Variants in FBXW8 observed in about 807,000 individuals in gnomAD.
FBXW8 encodes F-box and WD repeat domain containing 8.
FBXW8 carries 57 observed loss-of-function variants against 65.3 expected under a neutral mutation model. The observed-to-expected ratio is 0.87, with a 90% CI of 0.71 to 1.09. The LOEUF (loss-of-function observed/expected upper bound fraction) is 1.09, where lower values mean the gene tolerates loss of function less well. Ranked by LOEUF, FBXW8 falls within the 50% of genes least tolerant of loss-of-function variation. FBXW8 has a pLI of 0.00. For missense variants in FBXW8, 777 were observed against 814.8 expected (o/e 0.95, Z 0.57); for synonymous variants, 308 against 330.2 (o/e 0.93, Z 0.73).
intron 5 of FBXW8, among the ~76,000 whole-genome samples, chr12:116,971,463 A>G (rs1247705382): frequency 2.6e-5 from 4 of 152,022 alleles, no homozygotes; most frequent in Non-Finnish European, 5.9e-5. Context: ...CATATCTAGG[A>G]TGTTAGAGAT....
intron 9 of FBXW8, 79 bp downstream of exon 9, chr12:117,024,399 G>A (rs540418572): frequency 8.2e-5 from 126 of 1,527,874 alleles, no homozygotes; most frequent in African/African-American, 9.5e-5. Flanking sequence ...CACCAGGCAC[G>A]GTGCTAAATG....
At chr12:116,924,261 G>T (rs1410189413) in intron 1 of FBXW8, among the ~76,000 whole-genome samples, 2 of 151,942 alleles carry the variant, frequency 1.3e-5, no homozygotes, top group Non-Finnish European at 2.9e-5. Context: ...CTTCGCAGTA[G>T]TCTAGGTGGA....
At position 116,961,288 on chromosome 12, in the gene FBXW8, C is replaced by CG. The variant is rs1490186367; in HGVS notation, c.678-3408dup. On this transcript the variant is annotated intron_variant, in intron 4 of 10. Transcript: ENST00000652555. The surrounding 1 kb of genome is among the most constrained non-coding windows in gnomAD (Gnocchi z 4.4). Reference sequence around the variant, plus strand: ...TGCTGGGATTACAGGCATGAGCCACCGTGCCCGGCCTGTATCTGCACTTTT... The same window carrying CG: ...TGCTGGGATTACAGGCATGAGCCACCGGTGCCCGGCCTGTATCTGCACTTTT... Among the ~76,000 whole-genome samples the CG allele has an allele frequency of 6.6e-6, 1 of 152,164 alleles. No homozygotes were observed. The highest frequency in any genetic ancestry group is 1.5e-5 in the Non-Finnish European group (1 of 68,034).
chr12:116,925,366 C>T (rs1009011966), intron 1 of FBXW8, among the ~76,000 whole-genome samples: 9 of 152,146 alleles, frequency 5.9e-5, no homozygotes, highest in African/African-American at 1.7e-4. Context: ...GGACCGGAAG[C>T]GGGATCTGAG....
intron 6 of FBXW8, chr12:116,986,154 G>A (rs971415345): frequency 6.6e-6 from 1 of 152,084 alleles, no homozygotes; most frequent in African/African-American, 2.4e-5. Context: ...ATGAATTGAG[G>A]GCCTGACCTG....
intron 8 of FBXW8, among the ~76,000 whole-genome samples, chr12:117,021,501 AGTTTAT>A (rs1317475729): frequency 3.9e-5 from 6 of 152,120 alleles, no homozygotes; most frequent in East Asian, 1.9e-4. Context: ...TATGTTTTAT[AGTTTAT>A]GTTTAACTCT....
In FBXW8 at chr12:117,028,257, G is replaced by A; in HGVS notation, c.*85G>A. The A allele has an allele frequency of 6.5e-7, 1 of 1,529,416 alleles. No homozygotes were observed. Among genetic ancestry groups the A allele is most frequent in the Non-Finnish European group, 8.9e-7 (1 of 1,127,870 alleles). 94.7% of individuals were successfully genotyped at this position (1,529,416 alleles called of 1,614,324 possible). A position where few individuals can be genotyped will look rare whatever the true frequency, so the allele number is the denominator to read the frequency against. On this transcript the variant is annotated 3_prime_UTR_variant, in exon 11 of 11. Transcript: ENST00000652555. This position sits in a 1 kb window ranked among gnomAD's most constrained non-coding sequence, Gnocchi z 4.1. ...AAACGCCAGGCACCTCTTCACAGGT[G>A]GTAAACATTTAGGGGAAGAAAGCAG...
intron 4 of FBXW8, among the ~76,000 whole-genome samples, chr12:116,959,962 T>C (rs574876270): frequency 1.1e-4 from 17 of 152,338 alleles, no homozygotes; most frequent in African/African-American, 4.1e-4. Flanking sequence ...AGTATATTAG[T>C]TGCAGTTGTA....
intron 1 of FBXW8, among the ~76,000 whole-genome samples, chr12:116,921,822 CTTTTT>C (rs11449832): frequency 2.0e-5 from 2 of 99,346 alleles, no homozygotes; most frequent in Non-Finnish European, 4.0e-5. Context: ...GTATTTCTGA[CTTTTT>C]TTTTTTTTTT....
intron 5 of FBXW8, among the ~76,000 whole-genome samples, chr12:116,971,617 A>G (rs1476554158): frequency 2.0e-5 from 3 of 152,202 alleles, no homozygotes; most frequent in Admixed American, 1.3e-4. Flanking sequence ...TTATATCTGA[A>G]TAATGGGGCA....
At chr12:117,001,785 G>T (rs1278863170) in intron 7 of FBXW8, among the ~76,000 whole-genome samples, 3 of 152,074 alleles carry the variant, frequency 2.0e-5, no homozygotes, top group Non-Finnish European at 4.4e-5. Flanking sequence ...TCATCTCTTC[G>T]CTGGACTCAC....
intron 4 of FBXW8, among the ~76,000 whole-genome samples, chr12:116,959,746 C>T (rs1384552597): frequency 2.0e-5 from 3 of 152,132 alleles, no homozygotes; most frequent in African/African-American, 4.8e-5. Context: ...ATCCCTCTGT[C>T]GTGCAGAGCT....
chr12:117,027,579 GAC>G (rs1288087350), intron 10 of FBXW8, 75 bp downstream of exon 10: 18 of 1,154,278 alleles, frequency 1.6e-5, no homozygotes, highest in Non-Finnish European at 2.2e-5. Flanking sequence ...CCCCCGCCGT[GAC>G]ACATTGCACC....
chr12:116,916,165 A>G (rs1255274163), intron 1 of FBXW8, among the ~76,000 whole-genome samples: 1 of 152,156 alleles, frequency 6.6e-6, no homozygotes, highest in Non-Finnish European at 1.5e-5. Flanking sequence ...TAGTGCCACC[A>G]TAAATGTTTT....
At chr12:116,945,646 A>T (rs1175643429) in intron 3 of FBXW8, 118 bp downstream of exon 3, 1 of 909,724 alleles carries the variant, frequency 1.1e-6, no homozygotes, top group Admixed American at 2.8e-5. Flanking sequence ...GGGTACACTG[A>T]GCCTCCCCTT....
chr12:116,984,918 A>G (rs1885559740), intron 5 of FBXW8, among the ~76,000 whole-genome samples: 2 of 152,214 alleles, frequency 1.3e-5, no homozygotes. Context: ...TAGGCCCATC[A>G]GTTCAAAAAT....
chr12:116,957,960 T>C (rs967851840), intron 4 of FBXW8, among the ~76,000 whole-genome samples: 1 of 152,242 alleles, frequency 6.6e-6, no homozygotes, highest in African/African-American at 2.4e-5. Flanking sequence ...GGTGAACTCA[T>C]GACTGCATTT....
At chr12:116,959,568 G>A (rs1247133857) in intron 4 of FBXW8, among the ~76,000 whole-genome samples, 1 of 152,188 alleles carries the variant, frequency 6.6e-6, no homozygotes, top group Non-Finnish European at 1.5e-5. Flanking sequence ...ACACCTGGAA[G>A]CAAAATGGAA....
rs1470511460 is a variant in FBXW8, at chr12:117,030,105, C to T, written c.*1933C>T. The T allele has an allele frequency of 2.0e-5, 3 of 152,180 alleles. No individual in the cohort carries two copies. Among genetic ancestry groups the T allele is most frequent in the Non-Finnish European group, 4.4e-5 (3 of 68,036 alleles). 9.4% of individuals were successfully genotyped at this position (152,180 alleles called of 1,614,324 possible). Reference sequence around the variant, plus strand: ...CACGTGTACGTATCAGTGGGAAGTGCTTGCCATTACTCCAAAGCCTAGAAC... The same window carrying T: ...CACGTGTACGTATCAGTGGGAAGTGTTTGCCATTACTCCAAAGCCTAGAAC... On this transcript the variant is annotated 3_prime_UTR_variant, in exon 11 of 11. Transcript: ENST00000652555.
Sources: allele counts gnomAD v4.1 joint callset (sites outside exome capture counted in the v4.1 genomes callset), GRCh38; gene constraint gnomAD v4.1.1; non-coding constraint Gnocchi (gnomAD v3.1); transcripts MANE v1.5; gene names NCBI Gene and HGNC (gene_info 2026-07-23, HGNC 2026-07-21).